FHIT: variants seen among roughly 807,000 people sequenced by gnomAD.
FHIT encodes the protein fragile histidine triad diadenosine triphosphatase.
FHIT carries 19 observed loss-of-function variants against 17.9 expected under a neutral mutation model. That is an observed-to-expected ratio of 1.06 (90% confidence interval 0.74 to 1.56). The LOEUF is 1.56. Among genes scored for constraint, FHIT ranks in the 40% most tolerant of loss-of-function variants. The pLI, the probability that FHIT is intolerant of heterozygous loss-of-function variation, is 0.00. For synonymous variants in FHIT, 81 were observed against 69.7 expected, an observed-to-expected ratio of 1.16 and a Z score of -0.81; for missense variants, 248 against 189.2, an observed-to-expected ratio of 1.31 and a Z score of -1.82.
chr3:60,181,618 T>C (rs1701941986), intron 5 of FHIT, among the ~76,000 whole-genome samples: 2 of 152,202 alleles, frequency 1.3e-5, no homozygotes, highest in African/African-American at 4.8e-5. Context: ...TTTAGGTTGT[T>C]AGTAAAGACA....
At chr3:60,386,592 A>T (rs1391300642) in intron 5 of FHIT, among the ~76,000 whole-genome samples, 2 of 152,130 alleles carry the variant, frequency 1.3e-5, no homozygotes, top group Non-Finnish European at 2.9e-5. Context: ...ATCTTTCTTC[A>T]TGCTGGCATG....
intron 5 of FHIT, among the ~76,000 whole-genome samples, chr3:60,424,001 G>GT (rs1702570563): frequency 1.3e-5 from 2 of 151,944 alleles, no homozygotes; most frequent in Non-Finnish European, 2.9e-5. Flanking sequence ...GATTATAATT[G>GT]TACTACAGTA....
intron 4 of FHIT, among the ~76,000 whole-genome samples, chr3:60,806,585 A>G (rs1180112740): frequency 6.6e-6 from 1 of 152,208 alleles, no homozygotes; most frequent in Non-Finnish European, 1.5e-5. Context: ...CCGTAAGCTA[A>G]TGGCTCCCAT....
At chr3:60,053,824 A>G (rs1701979171) in intron 5 of FHIT, among the ~76,000 whole-genome samples, 1 of 152,148 alleles carries the variant, frequency 6.6e-6, no homozygotes. Flanking sequence ...ATAACCTCAC[A>G]TGATGTTCAC....
chr3:59,989,462 T>C, intron 7 of FHIT, among the ~76,000 whole-genome samples: 1 of 152,098 alleles, frequency 6.6e-6, no homozygotes, highest in East Asian at 1.9e-4. Flanking sequence ...ACTCCAACAA[T>C]GAGTTCAGAA....
chr3:60,844,606 T>C (rs1222201143), intron 3 of FHIT, among the ~76,000 whole-genome samples: 1 of 152,162 alleles, frequency 6.6e-6, no homozygotes, highest in Non-Finnish European at 1.5e-5. Context: ...TCTTTCTTAA[T>C]GCCACAAGTG....
chr3:60,324,508 C>A (rs1332282428), intron 5 of FHIT, among the ~76,000 whole-genome samples: 3 of 148,414 alleles, frequency 2.0e-5, no homozygotes, highest in African/African-American at 7.6e-5. Context: ...TGGCCTGAAC[C>A]CAGGAGGCGG....
chr3:60,668,860 C>A (rs1197609334), intron 4 of FHIT, among the ~76,000 whole-genome samples: 1 of 152,122 alleles, frequency 6.6e-6, no homozygotes, highest in Non-Finnish European at 1.5e-5. Context: ...CAAACCAGCT[C>A]ATTCTTACTG....
intron 8 of FHIT, among the ~76,000 whole-genome samples, chr3:59,780,386 G>A (rs1308920463): frequency 6.6e-6 from 1 of 152,230 alleles, no homozygotes; most frequent in Non-Finnish European, 1.5e-5. Flanking sequence ...GCTACAAAAT[G>A]TGTTGCAACT....
chr3:61,222,251 G>A (rs1324691836), intron 1 of FHIT, among the ~76,000 whole-genome samples: 2 of 152,210 alleles, frequency 1.3e-5, no homozygotes, highest in African/African-American at 4.8e-5. Flanking sequence ...GCATGGACCA[G>A]GATGCCAGGA....
At chr3:60,503,161 TCA>T (rs1275944315) in intron 5 of FHIT, among the ~76,000 whole-genome samples, 3 of 152,210 alleles carry the variant, frequency 2.0e-5, no homozygotes. Context: ...AATTTCTTCA[TCA>T]GTAAAATAAC....
intron 3 of FHIT, among the ~76,000 whole-genome samples, chr3:60,975,382 A>G (rs1217816850): frequency 6.6e-6 from 1 of 152,172 alleles, no homozygotes; most frequent in Non-Finnish European, 1.5e-5. Context: ...GGATATATGA[A>G]ATATTTTCTC....
intron 5 of FHIT, among the ~76,000 whole-genome samples, chr3:60,425,136 C>A: frequency 6.6e-6 from 1 of 151,210 alleles, no homozygotes; most frequent in South Asian, 2.1e-4. Context: ...CTATCAGGAA[C>A]CCACTGCAAC....
At chr3:60,194,005 A>G (rs1235775233) in intron 5 of FHIT, among the ~76,000 whole-genome samples, 1 of 152,254 alleles carries the variant, frequency 6.6e-6, no homozygotes, top group African/African-American at 2.4e-5. Flanking sequence ...GAAAATGATC[A>G]TAATCTGATT....
chr3:60,580,676 A>G (rs1187269217), intron 4 of FHIT, among the ~76,000 whole-genome samples: 1 of 152,104 alleles, frequency 6.6e-6, no homozygotes, highest in Non-Finnish European at 1.5e-5. Flanking sequence ...CCCAAGTTTG[A>G]GTACTGTCTT....
intron 3 of FHIT, among the ~76,000 whole-genome samples, chr3:60,960,394 T>G (rs1553780357): frequency 1.3e-5 from 2 of 152,222 alleles, no homozygotes; most frequent in Non-Finnish European, 2.9e-5. Context: ...AGAAACATCT[T>G]ACACCAGTCA....
chr3:60,476,503 G>T (rs1170195805), intron 5 of FHIT, among the ~76,000 whole-genome samples: 1 of 152,164 alleles, frequency 6.6e-6, no homozygotes, highest in Non-Finnish European at 1.5e-5. Context: ...TCAACGATTG[G>T]GCAGAAAGGA....
intron 7 of FHIT, among the ~76,000 whole-genome samples, chr3:59,971,342 T>C (rs1262209452): frequency 6.6e-6 from 1 of 152,094 alleles, no homozygotes; most frequent in Non-Finnish European, 1.5e-5. Context: ...GGCACCACTA[T>C]TATTATCTTT....
chr3:60,525,585 A>G (rs1452344951), intron 5 of FHIT, among the ~76,000 whole-genome samples: 3 of 152,178 alleles, frequency 2.0e-5, no homozygotes, highest in Non-Finnish European at 2.9e-5. Flanking sequence ...TGGCTCTTTA[A>G]TAATATCTTG....
Sources: allele counts gnomAD v4.1 joint callset (sites outside exome capture counted in the v4.1 genomes callset), GRCh38; gene constraint gnomAD v4.1.1; transcripts MANE v1.5; gene names NCBI Gene and HGNC (gene_info 2026-07-23, HGNC 2026-07-21).